The following TBX15 variants were observed in gnomAD, a reference collection of about 807,000 sequenced individuals.
TBX15 encodes the protein T-box transcription factor TBX15.
A neutral mutation model predicts 53.9 loss-of-function variants in TBX15; 18 were observed. That is an observed-to-expected ratio of 0.33 (90% CI 0.23 to 0.49). TBX15 has a LOEUF of 0.49. Ranked by LOEUF, TBX15 falls within the 20% of genes least tolerant of loss-of-function variation. The probability of loss-of-function intolerance (pLI) is 0.98; values close to 1 mark genes in which losing one functional copy is unlikely to be tolerated. For synonymous variants in TBX15, 295 were observed against 278.0 expected, an observed-to-expected ratio of 1.06 and a Z score of -0.61; for missense variants, 692 against 749.5, an observed-to-expected ratio of 0.92 and a Z score of 0.90.
At chr1:118,930,450 C>T (rs965804405) in intron 2 of TBX15, among the ~76,000 whole-genome samples, 1 of 152,222 alleles carries the variant, frequency 6.6e-6, no homozygotes, top group African/African-American at 2.4e-5. Flanking sequence ...GAGTCTTGCT[C>T]TCTCACCCAG....
intron 6 of TBX15, among the ~76,000 whole-genome samples, chr1:118,912,250 A>G (rs988646889): frequency 6.6e-6 from 1 of 152,178 alleles, no homozygotes; most frequent in African/African-American, 2.4e-5. Context: ...TTAATAACTA[A>G]CACCAGTAGG....
rs1256280262 is a variant in TBX15 at position 118,945,166 on chromosome 1, C to A, written c.206-13334G>T. On this transcript the variant is annotated intron_variant, in intron 1 of 7. Transcript: ENST00000369429. The stretch of plus-strand genomic sequence containing the variant: ...AGATAAATTTCCCTGAAAACATAGC[C>A]TGGGAGTGTTCAGAACCTACCAGAC... Among the ~76,000 whole-genome samples the A allele has an allele frequency of 3.9e-5, 6 of 152,128 alleles. No individual in the cohort carries two copies. In the East Asian group the frequency reaches 7.7e-4, roughly 20 times the overall value.
Position 118,918,069 on chromosome 1 carries a change from C to A in TBX15, c.862-3890G>T, listed in dbSNP as rs189452671. On this transcript the variant is annotated intron_variant, in intron 5 of 7. Transcript: ENST00000369429. Reference sequence around the variant, plus strand: ...GCTCATTTCTCTACTTTGCACATAGCTGACTCCTCGTCCTAAGCCTCAGTC... The same window carrying A: ...GCTCATTTCTCTACTTTGCACATAGATGACTCCTCGTCCTAAGCCTCAGTC... Among the ~76,000 whole-genome samples the A allele has an allele frequency of 4.3e-4, 65 of 152,310 alleles. 1 individual carries two copies. The highest frequency in any genetic ancestry group is 6.8e-4 in the Non-Finnish European group (46 of 68,024).
chr1:118,925,735 T>C (rs1655574857), intron 3 of TBX15, among the ~76,000 whole-genome samples: 1 of 152,142 alleles, frequency 6.6e-6, no homozygotes, highest in Non-Finnish European at 1.5e-5. Context: ...ATCCAGACCG[T>C]GTCTCTCTCA....
In TBX15 at chr1:118,893,300, AGG is replaced by A. The variant is rs1343322327; in HGVS notation, c.1024+5726_1024+5727del. Reference sequence around the variant, plus strand: ...AAGGAAGGAAGGAAGGAAGGAAGGAAGGAAGGAAGGAAGGAAAGAAAGAAAGA... The same window carrying A: ...AAGGAAGGAAGGAAGGAAGGAAGGAAAAGGAAGGAAGGAAAGAAAGAAAGA... On this transcript the variant is annotated intron_variant, in intron 7 of 7. Coordinates refer to ENST00000369429, the MANE Select transcript of TBX15 (RefSeq NM_001330677.2). Among the ~76,000 whole-genome samples, 307 of 136,322 alleles carry A rather than the reference AGG, an allele frequency of 2.3e-3. 2 individuals carry two copies. The highest frequency in any genetic ancestry group is 8.2e-3 in the African/African-American group (275 of 33,368). 89.4% of individuals were successfully genotyped at this position (136,322 alleles called of 152,430 possible). A position where few individuals can be genotyped will look rare whatever the true frequency, so the allele number is the denominator to read the frequency against.
chr1:118,906,531 C>T (rs1333628137), intron 6 of TBX15, among the ~76,000 whole-genome samples: 1 of 152,130 alleles, frequency 6.6e-6, no homozygotes, highest in Non-Finnish European at 1.5e-5. Flanking sequence ...CAGGGGACGC[C>T]TATTTGTGCC....
At chr1:118,972,584 A>T (rs1357990677) in intron 1 of TBX15, among the ~76,000 whole-genome samples, 1 of 151,998 alleles carries the variant, frequency 6.6e-6, no homozygotes, top group African/African-American at 2.4e-5. Context: ...ACACTCTCCA[A>T]ATGGTTTCTT....
In TBX15 at chr1:118,923,588, T is replaced by C; in HGVS notation, c.709A>G (p.Met237Val). ...TGAACTCGAGGCTGGTATTTGTGCA[T>C]AGAGTGCAGAATGATCTGAAATAAA... is the stretch of plus-strand genomic sequence containing the variant. ...DDQGHIILHSMHKYQPRVHVI... is the reference protein window; with the variant it reads ...DDQGHIILHSVHKYQPRVHVI... Residue 237 changes from methionine to valine, a missense_variant, in exon 5 of 8, where the codon ATG becomes GTG. This residue lies in a region of TBX15 where 307 missense variants were observed against 347.5 expected (regional missense o/e 0.88). Coordinates refer to ENST00000369429, the MANE Select transcript of TBX15 (RefSeq NM_001330677.2). 2 of 1,613,958 alleles carry C rather than the reference T, an allele frequency of 1.2e-6. No homozygotes were observed. Among genetic ancestry groups the C allele is most frequent in the Non-Finnish European group, 1.7e-6 (2 of 1,179,890 alleles).
At position 118,959,024 on chromosome 1, in the gene TBX15, C is replaced by CAGAGAGAGAGAGAGAGAGAGAGAGAG. The variant is rs10563585; in HGVS notation, c.206-27218_206-27193dup. Among the ~76,000 whole-genome samples the CAGAGAGAGAGAGAGAGAGAGAGAGAG allele has an allele frequency of 6.8e-4, 99 of 144,528 alleles. 1 individual carries two copies. The highest frequency in any genetic ancestry group is 2.4e-3 in the African/African-American group (92 of 39,070). The allele number at this position is 144,528 out of a possible 152,430, so 94.8% of individuals were successfully genotyped here. The stretch of plus-strand genomic sequence containing the variant: ...TAGTGGTCATCAGAAGGTATAATAT[C>CAGAGAGAGAGAGAGAGAGAGAGAGAG]AGAGAGAGAGAGAGAGAGAGAGAGA... On this transcript the variant is annotated intron_variant, in intron 1 of 7. Transcript: ENST00000369429.
Position 118,964,187 on chromosome 1 carries a change from T to G in TBX15, c.205+23404A>C, listed in dbSNP as rs149069222. 8.7e-4 allele frequency among the ~76,000 whole-genome samples: 132 copies of G among 152,358 alleles called. 1 individual carries two copies. The highest frequency in any genetic ancestry group is 2.9e-3 in the African/African-American group (120 of 41,586). On this transcript the variant is annotated intron_variant, in intron 1 of 7. Transcript: ENST00000369429. ...ACAGTGAGCAAGAAATAAACTTGTA[T>G]ATATTAAGCCACTAAGACTTCAGGG... is the stretch of plus-strand genomic sequence containing the variant.
chr1:118,970,082 C>T (rs1029101137), intron 1 of TBX15, among the ~76,000 whole-genome samples: 1 of 152,226 alleles, frequency 6.6e-6, no homozygotes, highest in African/African-American at 2.4e-5. Flanking sequence ...TGAAGACATG[C>T]TGGCTTCCCC....
chr1:118,983,165 G>A (rs12742627), intron 1 of TBX15, among the ~76,000 whole-genome samples: 9,074 of 152,170 alleles, frequency 0.06, 380 homozygotes, highest in East Asian at 0.19. Context: ...TCTGAAGCGC[G>A]GGAACCTAGG....
intron 3 of TBX15, among the ~76,000 whole-genome samples, 187 bp downstream of exon 3, chr1:118,926,323 A>G (rs1262075563): frequency 6.6e-6 from 1 of 152,186 alleles, no homozygotes; most frequent in African/African-American, 2.4e-5. Context: ...CCAGAGACAC[A>G]GGGGGGAATC....
In TBX15 at chr1:118,899,079, G is replaced by C. The variant is rs1356308299; in HGVS notation, c.973C>G (p.Pro325Ala). Residue 325 changes from proline to alanine, a missense_variant, in exon 7 of 8, where the codon CCT becomes GCT. Coordinates refer to ENST00000369429, the MANE Select transcript of TBX15 (RefSeq NM_001330677.2). Reference sequence around the variant, plus strand: ...TCTTCGAAGGTGAGTGTGCGCACAGGAGGTCTCCAGAATGCATATGTCTCC... The same window carrying C: ...TCTTCGAAGGTGAGTGTGCGCACAGCAGGTCTCCAGAATGCATATGTCTCC... ...IMETYAFWRP[P>A]VRTLTFEDFT... 8.7e-6 allele frequency: 14 copies of C among 1,613,526 alleles called. No individual in the cohort carries two copies. The highest frequency in any genetic ancestry group is 1.2e-5 in the Non-Finnish European group (14 of 1,179,736).
At chr1:118,913,118 A>T (rs1571168338) in intron 6 of TBX15, among the ~76,000 whole-genome samples, 1 of 152,320 alleles carries the variant, frequency 6.6e-6, no homozygotes, top group African/African-American at 2.4e-5. Context: ...TGCACATTTC[A>T]CAAAATGGTT....
At chr1:118,946,210 G>C (rs924354461) in intron 1 of TBX15, among the ~76,000 whole-genome samples, 1 of 152,042 alleles carries the variant, frequency 6.6e-6, no homozygotes, top group South Asian at 2.1e-4. Context: ...TGCTATACTT[G>C]TACATTTTAA....
chr1:118,922,054 T>C (rs1442754419), intron 5 of TBX15, among the ~76,000 whole-genome samples: 1 of 152,196 alleles, frequency 6.6e-6, no homozygotes, highest in Admixed American at 6.5e-5. Flanking sequence ...TTTGTATTAC[T>C]AGAAGGTACT....
At chr1:118,934,535 G>C (rs1571187683) in intron 1 of TBX15, among the ~76,000 whole-genome samples, 1 of 152,322 alleles carries the variant, frequency 6.6e-6, no homozygotes, top group East Asian at 1.9e-4. Flanking sequence ...GATTAATTAT[G>C]TGTTTATTGA....
At chr1:118,989,180 G>A (rs1007733813), upstream of TBX15, among the ~76,000 whole-genome samples, 3 of 152,202 alleles carry the variant, frequency 2.0e-5, no homozygotes, top group Non-Finnish European at 4.4e-5. Context: ...CAGAAGAGAA[G>A]GAGCTTTTTC....
Sources: gnomAD v4.1 joint callset for allele counts (sites outside exome capture counted in the v4.1 genomes callset) on GRCh38, gnomAD v4.1.1 for gene constraint, gnomAD v4.1.1 regional missense constraint, MANE v1.5 for transcripts, NCBI Gene and HGNC (gene_info 2026-07-23, HGNC 2026-07-21) for gene names.